KIFBP: variants seen among roughly 807,000 people sequenced by gnomAD.
KIFBP encodes KIF-binding protein.
KIFBP carries 46 observed loss-of-function variants against 58.9 expected under a neutral mutation model. The ratio of observed to expected loss-of-function variants is 0.78; its 90% confidence interval spans 0.62 to 1.00. The LOEUF (loss-of-function observed/expected upper bound fraction) is 1.00. Ranked by LOEUF, KIFBP falls within the 50% of genes least tolerant of loss-of-function variation. KIFBP has a pLI of 0.00. For missense variants in KIFBP, 651 were observed against 752.9 expected (o/e 0.86, Z 1.58); for synonymous variants, 241 against 283.4 (o/e 0.85, Z 1.50).
intron 2 of KIFBP, among the ~76,000 whole-genome samples, chr10:69,003,428 A>C (rs1483978255): frequency 6.6e-6 from 1 of 152,230 alleles, no homozygotes; most frequent in Non-Finnish European, 1.5e-5. Flanking sequence ...GTTTACATCC[A>C]GAATGTAAAA....
chr10:69,000,580 G>A, intron 2 of KIFBP, 58 bp downstream of exon 2: 2 of 1,063,508 alleles, frequency 1.9e-6, no homozygotes, highest in Non-Finnish European at 2.9e-6. Context: ...AGAATTGATA[G>A]TAAGAATCCC....
intron 4 of KIFBP, chr10:69,006,741 C>T (rs1843541036): frequency 1.3e-5 from 2 of 152,172 alleles, no homozygotes; most frequent in Non-Finnish European, 2.9e-5. Flanking sequence ...TTTCATCTCT[C>T]TGGTAACCCG....
chr10:69,015,004 C>G (rs1173049521), intron 6 of KIFBP, among the ~76,000 whole-genome samples: 1 of 152,104 alleles, frequency 6.6e-6, no homozygotes, highest in Non-Finnish European at 1.5e-5. Context: ...CTTACTGCAA[C>G]CTCTGCCTCC....
At chr10:69,013,727 GCTACTAAA>G (rs1352909736) in intron 6 of KIFBP, among the ~76,000 whole-genome samples, 2 of 152,084 alleles carry the variant, frequency 1.3e-5, no homozygotes, top group Non-Finnish European at 2.9e-5. Flanking sequence ...TATTTGCCAT[GCTACTAAA>G]CTACTCAGAT....
At chr10:69,002,597 G>A (rs2185654) in intron 2 of KIFBP, among the ~76,000 whole-genome samples, 109,801 of 151,988 alleles carry the variant, frequency 0.72, 39,986 homozygotes, top group Middle Eastern at 0.77. Context: ...TAAAATGTAA[G>A]GTCTGAGGCC....
chr10:69,001,883 C>T (rs898533283), intron 2 of KIFBP, among the ~76,000 whole-genome samples: 3 of 151,708 alleles, frequency 2.0e-5, no homozygotes, highest in Non-Finnish European at 4.4e-5. Context: ...TGCTTGACTG[C>T]AAAAGGATAT....
intron 5 of KIFBP, among the ~76,000 whole-genome samples, chr10:69,009,894 C>T (rs1449949079): frequency 6.6e-6 from 1 of 152,054 alleles, no homozygotes; most frequent in Admixed American, 6.5e-5. Context: ...GTCTTCCTTA[C>T]AAATGGACAT....
Position 69,008,391 on chromosome 10 carries a change from A to AAAAAAAAAT in KIFBP, c.790-449_790-448insAAAAAAATA. ...CCCCTGTCTCGTAAAAAAAAAAAAA[A>AAAAAAAAAT]ATATATATATATATATATATATATA... On this transcript the variant is annotated intron_variant, in intron 4 of 6. Transcript: ENST00000361983. Among the ~76,000 whole-genome samples, 103 of 71,594 alleles carry AAAAAAAAAT rather than the reference A, an allele frequency of 1.4e-3. 1 individual carries two copies. Among genetic ancestry groups the AAAAAAAAAT allele is most frequent in the African/African-American group, 7.5e-3 (97 of 12,894 alleles). 47.0% of individuals were successfully genotyped at this position (71,594 alleles called of 152,430 possible). A position where few individuals can be genotyped will look rare whatever the true frequency, so the allele number is the denominator to read the frequency against.
chr10:69,009,762 G>A (rs546829243), intron 5 of KIFBP, among the ~76,000 whole-genome samples: 67 of 152,148 alleles, frequency 4.4e-4, no homozygotes, highest in Middle Eastern at 6.8e-3. Flanking sequence ...CATTTAACAG[G>A]TTTTTTAATA....
chr10:68,995,324 AATC>A (rs1336241578), intron 1 of KIFBP: 1 of 152,192 alleles, frequency 6.6e-6, no homozygotes, highest in African/African-American at 2.4e-5. Flanking sequence ...ATATAAATGA[AATC>A]ATATTGTATA....
chr10:69,010,832 A>C, intron 5 of KIFBP, 68 bp from the exon 6 acceptor site: 1 of 1,032,278 alleles, frequency 9.7e-7, no homozygotes, highest in Non-Finnish European at 1.5e-6. Flanking sequence ...GATATTAAAA[A>C]AATTACAGTA....
chr10:68,999,412 T>TAA (rs138607044), intron 1 of KIFBP, among the ~76,000 whole-genome samples: 196 of 149,024 alleles, frequency 1.3e-3, no homozygotes, highest in Middle Eastern at 0.011. Flanking sequence ...TCTTTTTTTT[T>TAA]TAAAAAAAAA....
chr10:69,010,880 A>C lies in KIFBP; in HGVS notation c.875-20A>C. 1 of 1,516,806 alleles carries C rather than the reference A, an allele frequency of 6.6e-7. No homozygotes were observed. The highest frequency in any genetic ancestry group is 9.2e-7 in the Non-Finnish European group (1 of 1,091,544). The allele number at this position is 1,516,806 out of a possible 1,614,324, so 94.0% of individuals were successfully genotyped here. Reference sequence around the variant, plus strand: ...TACAGTTGTGACCATTAACTTAAACAAATCACATGTATATTTTAGCTCCTG... The same window carrying C: ...TACAGTTGTGACCATTAACTTAAACCAATCACATGTATATTTTAGCTCCTG... On this transcript the variant is annotated intron_variant, in intron 5 of 6. Transcript: ENST00000361983.
At chr10:68,991,383 AG>A in intron 1 of KIFBP, 1 of 335,528 alleles carries the variant, frequency 3.0e-6, no homozygotes, top group Non-Finnish European at 6.2e-6. Flanking sequence ...TGTATACACA[AG>A]TTTCTGGATA....
chr10:69,003,342 C>T (rs190074890), intron 2 of KIFBP, among the ~76,000 whole-genome samples: 24 of 152,236 alleles, frequency 1.6e-4, no homozygotes, highest in East Asian at 1.3e-3. Flanking sequence ...ATTGTGTTTG[C>T]CTTGGGCCTT....
intron 5 of KIFBP, 106 bp from the exon 6 acceptor site, chr10:69,010,794 T>G (rs1843581875): frequency 4.0e-6 from 3 of 756,966 alleles, no homozygotes; most frequent in Non-Finnish European, 6.9e-6. Flanking sequence ...TCAGTAAAGA[T>G]CTGTTACTTT....
intron 2 of KIFBP, among the ~76,000 whole-genome samples, chr10:69,002,739 T>A (rs12245218): frequency 0.045 from 6,723 of 149,882 alleles, 485 homozygotes; most frequent in African/African-American, 0.16. Context: ...TAAAAAAAAA[T>A]TAGCTGGGTG....
chr10:69,009,796 A>G (rs1843572610), intron 5 of KIFBP, among the ~76,000 whole-genome samples: 1 of 152,192 alleles, frequency 6.6e-6, no homozygotes, highest in African/African-American at 2.4e-5. Context: ...CTTTAAAAAT[A>G]GTTTATTTTT....
Position 69,016,212 on chromosome 10 carries a change from T to C in KIFBP, c.1662T>C (p.Tyr554=). Residue 554 remains tyrosine (Y), a synonymous_variant, in exon 7 of 7, where the codon TAT becomes TAC. Coordinates refer to ENST00000361983, the MANE Select transcript of KIFBP (RefSeq NM_015634.4). ...MLAKFRVARL[Y]GKIITADPKK... ...CTAAGTTTCGAGTTGCCCGTCTCTA[T>C]GGCAAAATCATTACTGCAGATCCCA... is the stretch of plus-strand genomic sequence containing the variant. 6.2e-7 allele frequency: 1 copy of C among 1,612,206 alleles called. No homozygotes were observed. Among genetic ancestry groups the C allele is most frequent in the Non-Finnish European group, 8.5e-7 (1 of 1,179,190 alleles).
Sources: gnomAD v4.1 joint callset for allele counts (sites outside exome capture counted in the v4.1 genomes callset) on GRCh38, gnomAD v4.1.1 for gene constraint, MANE v1.5 for transcripts, NCBI Gene and HGNC (gene_info 2026-07-23, HGNC 2026-07-21) for gene names.